Variants in HOMEZ observed in about 807,000 individuals in gnomAD.
HOMEZ encodes the protein homeobox and leucine zipper encoding.
Under a neutral mutation model 50.1 loss-of-function variants are expected in HOMEZ, and 20 were observed. The observed-to-expected ratio is 0.40, with a 90% CI of 0.28 to 0.58. HOMEZ has a LOEUF of 0.58. Ranked by LOEUF, HOMEZ falls within the 20% of genes least tolerant of loss-of-function variation. HOMEZ has a pLI of 0.46. For missense variants in HOMEZ, 579 were observed against 680.5 expected (o/e 0.85, Z 1.66); for synonymous variants, 239 against 254.7 (o/e 0.94, Z 0.59).
intron 1 of HOMEZ, 136 bp from the exon 2 acceptor site, chr14:23,277,323 C>T (rs2140502772): frequency 2.5e-6 from 2 of 815,912 alleles, no homozygotes; most frequent in East Asian, 2.8e-5. Flanking sequence ...TTTTAAGTGC[C>T]TCAACAATTT....
chr14:23,278,405 G>A (rs1886415041), intron 1 of HOMEZ, among the ~76,000 whole-genome samples: 1 of 151,852 alleles, frequency 6.6e-6, no homozygotes, highest in Non-Finnish European at 1.5e-5. Flanking sequence ...TCACTCTGTT[G>A]CCTAGGCTGG....
chr14:23,275,778 A>G lies in HOMEZ; in HGVS notation c.1450T>C (p.Leu484=), dbSNP rs145019627. Reference sequence around the variant, plus strand: ...GTGCTAAGCCTTGATGCCTGACTCAATTGAGGGATATCAGTTTCCCGTAGC... The same window carrying G: ...GTGCTAAGCCTTGATGCCTGACTCAGTTGAGGGATATCAGTTTCCCGTAGC... ...QQLRETDIPQ[L]SQASRLSTQQ... Residue 484 remains leucine (L), a synonymous_variant, in exon 2 of 2, where the codon TTG becomes CTG. Coordinates refer to ENST00000357460, the MANE Select transcript of HOMEZ (RefSeq NM_020834.3). The G allele has an allele frequency of 1.9e-3, 3,052 of 1,613,388 alleles. 53 individuals carry two copies. The African/African-American group carries it at 0.035, about 19-fold the overall frequency.
chr14:23,277,244 C>T, intron 1 of HOMEZ, 57 bp from the exon 2 acceptor site: 1 of 1,417,374 alleles, frequency 7.1e-7, no homozygotes. Flanking sequence ...ACACACTGCT[C>T]AATTTCTACC....
intron 1 of HOMEZ, among the ~76,000 whole-genome samples, chr14:23,277,511 C>A (rs1276399207): frequency 1.3e-5 from 2 of 152,030 alleles, no homozygotes; most frequent in South Asian, 4.1e-4. Flanking sequence ...CCCAGCACTT[C>A]GGGAGGCCGA....
chr14:23,280,797 C>A (rs976452030), intron 1 of HOMEZ, among the ~76,000 whole-genome samples: 1 of 45,386 alleles, frequency 2.2e-5, no homozygotes, highest in South Asian at 6.6e-4. Flanking sequence ...TATTTGGAGA[C>A]GGAGTCTTGC....
At position 23,275,235 on chromosome 14, in the gene HOMEZ, C is replaced by G. The variant is rs1430952196; in HGVS notation, c.*340G>C. The G allele has an allele frequency of 2.4e-5, 6 of 245,236 alleles. No individual in the cohort carries two copies. Among genetic ancestry groups the G allele is most frequent in the African/African-American group, 1.4e-4 (6 of 44,292 alleles). 15.2% of individuals were successfully genotyped at this position (245,236 alleles called of 1,614,324 possible). On this transcript the variant is annotated 3_prime_UTR_variant, in exon 2 of 2. Coordinates refer to ENST00000357460, the MANE Select transcript of HOMEZ (RefSeq NM_020834.3). The stretch of plus-strand genomic sequence containing the variant: ...TCCAATCCTCCTGGAGAGGTGGTGC[C>G]AACATCTGGCCTCTGTATAGTACAC...
chr14:23,282,226 G>A (rs533634571), intron 1 of HOMEZ, among the ~76,000 whole-genome samples: 2 of 152,150 alleles, frequency 1.3e-5, no homozygotes, highest in East Asian at 3.9e-4. Context: ...TTTTTGCAGA[G>A]CCCTAATTCT....
Position 23,286,064 on chromosome 14 carries a change from C to G in HOMEZ, c.-112G>C. On this transcript the variant is annotated 5_prime_UTR_variant, in exon 1 of 2. Coordinates refer to ENST00000357460, the MANE Select transcript of HOMEZ (RefSeq NM_020834.3). ...AGCGATGGCCGAAACCGGGACTGCCCCCCCCACCGTCCCCGGGAGCGCGCC... is the reference window on the plus strand; with the variant it reads ...AGCGATGGCCGAAACCGGGACTGCCGCCCCCACCGTCCCCGGGAGCGCGCC... 3 of 1,231,174 alleles carry G rather than the reference C, an allele frequency of 2.4e-6. No homozygotes were observed. Among genetic ancestry groups the G allele is most frequent in the South Asian group, 4.1e-5 (1 of 24,300 alleles). 76.3% of individuals were successfully genotyped at this position (1,231,174 alleles called of 1,614,324 possible).
Position 23,275,440 on chromosome 14 carries a change from C to T in HOMEZ, c.*135G>A. On this transcript the variant is annotated 3_prime_UTR_variant, in exon 2 of 2. Coordinates refer to ENST00000357460, the MANE Select transcript of HOMEZ (RefSeq NM_020834.3). ...GGTCCACCCTCACTATATCCCCCTGCCACCCACCCTGAAGAACACAAAGCT... is the reference window on the plus strand; with the variant it reads ...GGTCCACCCTCACTATATCCCCCTGTCACCCACCCTGAAGAACACAAAGCT... The T allele has an allele frequency of 8.6e-7, 1 of 1,168,668 alleles. No homozygotes were observed. The highest frequency in any genetic ancestry group is 1.2e-6 in the Non-Finnish European group (1 of 846,100). The allele number at this position is 1,168,668 out of a possible 1,614,324, so 72.4% of individuals were successfully genotyped here.
chr14:23,280,758 AT>A lies in HOMEZ; in HGVS notation c.41-3572del, dbSNP rs1477435962. On this transcript the variant is annotated intron_variant, in intron 1 of 1. Coordinates refer to ENST00000357460, the MANE Select transcript of HOMEZ (RefSeq NM_020834.3). ...TTATTTTATTATTTTATTTTATTTT[AT>A]TTTATTTTATTTTATTTTATTTTAT... Among the ~76,000 whole-genome samples the A allele has an allele frequency of 2.7e-3, 193 of 72,792 alleles. 8 individuals carry two copies. The East Asian group carries it at 0.033, about 12-fold the overall frequency. 47.8% of individuals were successfully genotyped at this position (72,792 alleles called of 152,430 possible).
In HOMEZ at chr14:23,276,623, T is replaced by C; in HGVS notation, c.605A>G (p.Lys202Arg). 6.2e-7 allele frequency: 1 copy of C among 1,614,042 alleles called. No individual in the cohort carries two copies. Among genetic ancestry groups the C allele is most frequent in the Non-Finnish European group, 8.5e-7 (1 of 1,179,880 alleles). ...ACTGCCAGGTGTCATCAGGGACTCC[T>C]TTAATTTCTGGTGACTCTGTGGCAG... ...PPLPQSHQKL[K>R]ESLMTPGSGA... Residue 202 changes from lysine to arginine, a missense_variant, in exon 2 of 2, where the codon AAG becomes AGG. Coordinates refer to ENST00000357460, the MANE Select transcript of HOMEZ (RefSeq NM_020834.3). The surrounding 1 kb of genome is among the most constrained non-coding windows in gnomAD (Gnocchi z 4.1).
In HOMEZ at chr14:23,275,708, G is replaced by C; in HGVS notation, c.1520C>G (p.Ala507Gly). ...TTCATCTAGACAAACTACCACCTCA[G>C]CTGGCTGAGGTAATCGAGAGTCAAA... is the stretch of plus-strand genomic sequence containing the variant. ...DWFDSRLPQP[A>G]EVVVCLDEEE... The change falls in exon 2 of 2, where the codon GCT (alanine) becomes GGT (glycine). Residue 507 changes from alanine (A) to glycine (G), a missense_variant. Coordinates refer to ENST00000357460, the MANE Select transcript of HOMEZ (RefSeq NM_020834.3). 1.2e-6 allele frequency: 2 copies of C among 1,607,390 alleles called. No individual in the cohort carries two copies. Among genetic ancestry groups the C allele is most frequent in the Non-Finnish European group, 1.7e-6 (2 of 1,176,834 alleles).
At chr14:23,279,433 C>A (rs1365274921) in intron 1 of HOMEZ, among the ~76,000 whole-genome samples, 1 of 152,026 alleles carries the variant, frequency 6.6e-6, no homozygotes, top group Non-Finnish European at 1.5e-5. Flanking sequence ...TTCCGATTGG[C>A]TAATTTAAAG....
chr14:23,272,876 G>A lies in HOMEZ; in HGVS notation c.*2699C>T. Reference sequence around the variant, plus strand: ...GATTACCCAGTGGGAGAGAAGCATGGACCACTTCTAGATAGATCATCTTCA... The same window carrying A: ...GATTACCCAGTGGGAGAGAAGCATGAACCACTTCTAGATAGATCATCTTCA... On this transcript the variant is annotated 3_prime_UTR_variant, in exon 2 of 2. Transcript: ENST00000357460. 1 of 1,543,050 alleles carries A rather than the reference G, an allele frequency of 6.5e-7. No individual in the cohort carries two copies.
At chr14:23,278,519 C>T (rs1469614650) in intron 1 of HOMEZ, among the ~76,000 whole-genome samples, 1 of 152,004 alleles carries the variant, frequency 6.6e-6, no homozygotes, top group African/African-American at 2.4e-5. Flanking sequence ...GTACATGCAG[C>T]CATATCCGGC....
intron 1 of HOMEZ, among the ~76,000 whole-genome samples, chr14:23,283,610 C>T (rs960836115): frequency 3.3e-5 from 5 of 151,918 alleles, no homozygotes; most frequent in Non-Finnish European, 5.9e-5. Flanking sequence ...AAGTGGGAGG[C>T]GAGGCTGGGT....
chr14:23,281,560 AG>A (rs1316031716), intron 1 of HOMEZ, among the ~76,000 whole-genome samples: 1 of 152,154 alleles, frequency 6.6e-6, no homozygotes, highest in Non-Finnish European at 1.5e-5. Context: ...AGCAAATGTT[AG>A]GGGATGGATG....
intron 1 of HOMEZ, among the ~76,000 whole-genome samples, chr14:23,279,429 T>C (rs895851948): frequency 5.9e-5 from 9 of 152,092 alleles, no homozygotes; most frequent in Non-Finnish European, 1.0e-4. Flanking sequence ...CTAATTCCGA[T>C]TGGCTAATTT....
Position 23,275,345 on chromosome 14 carries a change from TA to T in HOMEZ, c.*229del. 1 of 559,150 alleles carries T rather than the reference TA, an allele frequency of 1.8e-6. No individual in the cohort carries two copies. The highest frequency in any genetic ancestry group is 3.1e-6 in the Non-Finnish European group (1 of 322,546). The allele number at this position is 559,150 out of a possible 1,614,324, so 34.6% of individuals were successfully genotyped here. ...CCCAGATCCTTAGCACTCCCTACCC[TA>T]AGGTTAGAGGGTTGGATTTCTGCTG... On this transcript the variant is annotated 3_prime_UTR_variant, in exon 2 of 2. Coordinates refer to ENST00000357460, the MANE Select transcript of HOMEZ (RefSeq NM_020834.3).
Sources: gnomAD v4.1 joint callset for allele counts (sites outside exome capture counted in the v4.1 genomes callset) on GRCh38, gnomAD v4.1.1 for gene constraint, Gnocchi (gnomAD v3.1) non-coding constraint, MANE v1.5 for transcripts, NCBI Gene and HGNC (gene_info 2026-07-23, HGNC 2026-07-21) for gene names.